The following AKT3 variants were observed in gnomAD, a reference collection of about 807,000 sequenced individuals.
The protein encoded by AKT3 is AKT serine/threonine kinase 3.
A neutral mutation model predicts 65.3 loss-of-function variants in AKT3; 15 were observed. That is an observed-to-expected ratio of 0.23 (90% CI 0.15 to 0.35). AKT3 has a LOEUF of 0.35. Ranked by LOEUF, AKT3 falls within the 10% of genes least tolerant of loss-of-function variation. The probability of loss-of-function intolerance (pLI) is 1.00; values close to 1 mark genes in which losing one functional copy is unlikely to be tolerated. For synonymous variants in AKT3, 206 were observed against 183.8 expected (o/e 1.12, Z -0.98); for missense variants, 243 against 576.5 (o/e 0.42, Z 5.92).
chr1:243,537,201 C>T (rs975465773), intron 12 of AKT3, among the ~76,000 whole-genome samples: 3 of 152,124 alleles, frequency 2.0e-5, no homozygotes, highest in African/African-American at 7.2e-5. Context: ...CCCAACCTTC[C>T]ACATTCTCAC....
At chr1:243,640,018 G>A (rs965182720) in intron 5 of AKT3, among the ~76,000 whole-genome samples, 3 of 152,096 alleles carry the variant, frequency 2.0e-5, no homozygotes, top group Non-Finnish European at 4.4e-5. Flanking sequence ...TTTTAGAAAT[G>A]CCTACGTTCA....
intron 2 of AKT3, chr1:243,740,904 G>A (rs1214590539): frequency 2.0e-5 from 3 of 152,108 alleles, no homozygotes; most frequent in Admixed American, 6.5e-5. Flanking sequence ...ATGACCTCTA[G>A]AAACCCCAAT....
chr1:243,593,889 T>C lies in AKT3; in HGVS notation c.696+19782A>G, dbSNP rs115308203. On this transcript the variant is annotated intron_variant, in intron 8 of 13. Transcript: ENST00000673466. The stretch of plus-strand genomic sequence containing the variant: ...TCCGAGACAGGGAACAAAAACACAA[T>C]GTTCGCTACTTTTGTTCAACACTGC... Among the ~76,000 whole-genome samples, 730 of 152,226 alleles carry C rather than the reference T, an allele frequency of 4.8e-3. 6 individuals are homozygous for C. The highest frequency in any genetic ancestry group is 0.017 in the African/African-American group (704 of 41,546).
chr1:243,830,145 TTTC>T (rs1295740469), intron 2 of AKT3, among the ~76,000 whole-genome samples: 1 of 152,214 alleles, frequency 6.6e-6, no homozygotes, highest in Admixed American at 6.5e-5. Flanking sequence ...TACAGACTTT[TTTC>T]TTGTCATTAT....
At chr1:243,613,544 T>C in intron 8 of AKT3, 127 bp downstream of exon 8, 2 of 577,228 alleles carry the variant, frequency 3.5e-6, no homozygotes, top group South Asian at 4.5e-5. Flanking sequence ...TGTTCAATAG[T>C]ATTAAGAGCT....
intron 3 of AKT3, among the ~76,000 whole-genome samples, chr1:243,692,682 G>T (rs778233011): frequency 6.6e-6 from 1 of 152,046 alleles, no homozygotes; most frequent in Non-Finnish European, 1.5e-5. Context: ...AGGTTGCAGT[G>T]AGCCAAGATC....
Position 243,780,669 on chromosome 1 carries a change from T to C in AKT3, c.46+62456A>G, listed in dbSNP as rs144319266. On this transcript the variant is annotated intron_variant, in intron 2 of 13. Transcript: ENST00000673466. Reference sequence around the variant, plus strand: ...AAGGAAGAAGAGGAAAAAAGAAAGATAATACAACTATGGAAAAATGTTAAA... The same window carrying C: ...AAGGAAGAAGAGGAAAAAAGAAAGACAATACAACTATGGAAAAATGTTAAA... Among the ~76,000 whole-genome samples, 387 of 151,720 alleles carry C rather than the reference T, an allele frequency of 2.6e-3. 8 individuals are homozygous for C. Among genetic ancestry groups the C allele is most frequent in the Admixed American group, 0.022 (339 of 15,246 alleles).
At chr1:243,799,719 A>T (rs2148362371) in intron 2 of AKT3, among the ~76,000 whole-genome samples, 1 of 152,344 alleles carries the variant, frequency 6.6e-6, no homozygotes, top group South Asian at 2.1e-4. Context: ...TAAATAAGTT[A>T]GTCTAGGTTT....
chr1:243,802,848 A>C (rs1301671965), intron 2 of AKT3, among the ~76,000 whole-genome samples: 3 of 152,222 alleles, frequency 2.0e-5, no homozygotes, highest in African/African-American at 7.2e-5. Context: ...GTCAATGCTT[A>C]TCAGTAAGAA....
At chr1:243,812,003 T>C (rs371974405) in intron 2 of AKT3, among the ~76,000 whole-genome samples, 6 of 152,128 alleles carry the variant, frequency 3.9e-5, no homozygotes, top group South Asian at 2.1e-4. Flanking sequence ...CTTCCTTACA[T>C]CTTATACAAA....
intron 3 of AKT3, among the ~76,000 whole-genome samples, chr1:243,667,526 A>G (rs1682881363): frequency 1.3e-5 from 2 of 152,126 alleles, no homozygotes; most frequent in Admixed American, 6.5e-5. Context: ...TTAAAAACAT[A>G]ACCAGCTTCT....
At chr1:243,565,619 A>G (rs1032670338) in intron 9 of AKT3, among the ~76,000 whole-genome samples, 3 of 152,184 alleles carry the variant, frequency 2.0e-5, no homozygotes, top group Non-Finnish European at 4.4e-5. Context: ...AATCTGCACA[A>G]ATGACAATAA....
At chr1:243,597,763 A>C (rs1223847791) in intron 8 of AKT3, among the ~76,000 whole-genome samples, 3 of 152,216 alleles carry the variant, frequency 2.0e-5, no homozygotes, top group African/African-American at 7.2e-5. Context: ...TGGCCTCCCA[A>C]AGTGCTGGGC....
intron 2 of AKT3, among the ~76,000 whole-genome samples, chr1:243,827,558 C>T (rs935272428): frequency 6.6e-6 from 1 of 152,034 alleles, no homozygotes; most frequent in African/African-American, 2.4e-5. Context: ...AATGTCTTAG[C>T]TCCTAACTGT....
intron 4 of AKT3, 48 bp downstream of exon 4, chr1:243,664,724 A>C (rs1572132897): frequency 1.1e-6 from 1 of 876,190 alleles, no homozygotes; most frequent in Non-Finnish European, 1.7e-6. Context: ...ATACATCTTT[A>C]GATTGAGTGT....
chr1:243,712,365 A>G (rs567063030), intron 2 of AKT3, among the ~76,000 whole-genome samples: 1 of 152,336 alleles, frequency 6.6e-6, no homozygotes, highest in Non-Finnish European at 1.5e-5. Flanking sequence ...AGAAAATAAC[A>G]GATAACCTTC....
At chr1:243,492,360 G>A (rs1425712457) in intron 13 of AKT3, among the ~76,000 whole-genome samples, 1 of 123,670 alleles carries the variant, frequency 8.1e-6, no homozygotes. Flanking sequence ...GGAGTACAGT[G>A]GTGCAATCTC....
downstream of AKT3, among the ~76,000 whole-genome samples, chr1:243,497,981 T>C (rs1205435929): frequency 6.6e-6 from 1 of 152,166 alleles, no homozygotes; most frequent in African/African-American, 2.4e-5. Flanking sequence ...TGTTGGGTTG[T>C]TTTTCTTTTG....
chr1:243,785,357 C>G (rs1004447532), intron 2 of AKT3, among the ~76,000 whole-genome samples: 2 of 151,832 alleles, frequency 1.3e-5, no homozygotes, highest in African/African-American at 4.8e-5. Flanking sequence ...GGATTACAGG[C>G]GTGAGCCACC....
Sources: gnomAD v4.1 joint callset for allele counts (sites outside exome capture counted in the v4.1 genomes callset) on GRCh38, gnomAD v4.1.1 for gene constraint, MANE v1.5 for transcripts, NCBI Gene and HGNC (gene_info 2026-07-23, HGNC 2026-07-21) for gene names.